Variants in ABCB1 observed in about 807,000 individuals in gnomAD.
ABCB1 encodes the protein ATP binding cassette subfamily B member 1.
A neutral mutation model predicts 142.0 loss-of-function variants in ABCB1; 69 were observed. That is an observed-to-expected ratio of 0.49 (90% CI 0.40 to 0.59). The LOEUF is 0.59. ABCB1 is among the 20% of genes least tolerant of loss of function. The pLI, the probability that ABCB1 is intolerant of heterozygous loss-of-function variation, is 0.00. For synonymous variants in ABCB1, 532 were observed against 539.2 expected (o/e 0.99, Z 0.18); for missense variants, 1,326 against 1,554.7 (o/e 0.85, Z 2.47).
At chr7:87,628,584 C>CGTGTGTGTGTGT (rs71117546) in intron 1 of ABCB1, 45 of 290,756 alleles carry the variant, frequency 1.5e-4, no homozygotes, top group African/African-American at 4.8e-4. Flanking sequence ...TGCGTGCGTG[C>CGTGTGTGTGTGT]GTGTGTGTGT....
intron 4 of ABCB1, among the ~76,000 whole-genome samples, chr7:87,579,682 C>G (rs566244394): frequency 2.2e-4 from 33 of 151,986 alleles, no homozygotes; most frequent in Admixed American, 6.6e-5. Flanking sequence ...AAGACTTACT[C>G]CTGCCATTTT....
intron 1 of ABCB1, among the ~76,000 whole-genome samples, chr7:87,635,848 A>G (rs1821714010): frequency 1.3e-5 from 2 of 152,166 alleles, no homozygotes; most frequent in African/African-American, 2.4e-5. Context: ...ATAATACAGT[A>G]TAGACCTTTT....
At chr7:87,676,703 C>CAAAAAAA (rs57480483) in intron 1 of ABCB1, among the ~76,000 whole-genome samples, 1 of 45,426 alleles carries the variant, frequency 2.2e-5, no homozygotes, top group Non-Finnish European at 4.4e-5. Context: ...GACCCTGTCT[C>CAAAAAAA]AAAAAAAAAA....
At chr7:87,649,473 T>C (rs761773246) in intron 1 of ABCB1, among the ~76,000 whole-genome samples, 1 of 152,178 alleles carries the variant, frequency 6.6e-6, no homozygotes, top group Admixed American at 6.5e-5. Flanking sequence ...TAATTTTCTC[T>C]TAAGGGAAAT....
chr7:87,627,056 C>T (rs909154985), intron 1 of ABCB1, among the ~76,000 whole-genome samples: 2 of 152,042 alleles, frequency 1.3e-5, no homozygotes, highest in African/African-American at 2.4e-5. Context: ...TTACAGGCGT[C>T]AGCCACCGCG....
chr7:87,685,495 T>A (rs1364039869), intron 1 of ABCB1, among the ~76,000 whole-genome samples: 1 of 150,444 alleles, frequency 6.6e-6, no homozygotes, highest in African/African-American at 2.4e-5. Flanking sequence ...CTGGACAAAC[T>A]CAGTAATAAA....
At chr7:87,587,768 A>G (rs557924572) in intron 3 of ABCB1, among the ~76,000 whole-genome samples, 25 of 151,456 alleles carry the variant, frequency 1.7e-4, no homozygotes, top group African/African-American at 5.3e-4. Flanking sequence ...CCAGCTACTC[A>G]GGAGGCTGAG....
chr7:87,529,873 A>G (rs1815953949), intron 21 of ABCB1, among the ~76,000 whole-genome samples: 1 of 152,232 alleles, frequency 6.6e-6, no homozygotes, highest in Non-Finnish European at 1.5e-5. Context: ...TACTTGAGCC[A>G]GACCACAATA....
intron 21 of ABCB1, chr7:87,522,154 T>C (rs1053505883): frequency 7.4e-5 from 108 of 1,451,988 alleles, no homozygotes; most frequent in Non-Finnish European, 9.6e-5. Context: ...TGGTGGCAGC[T>C]GTGGTGGTGG....
At chr7:87,598,087 C>T (rs1819281563) in intron 2 of ABCB1, among the ~76,000 whole-genome samples, 1 of 152,070 alleles carries the variant, frequency 6.6e-6, no homozygotes, top group Admixed American at 6.6e-5. Flanking sequence ...ATGTAAAATA[C>T]ACATCAAACA....
intron 25 of ABCB1, among the ~76,000 whole-genome samples, chr7:87,514,173 G>A (rs1325321070): frequency 6.6e-6 from 1 of 152,178 alleles, no homozygotes; most frequent in Admixed American, 6.5e-5. Flanking sequence ...TTTCATTTGA[G>A]TCATTAAATG....
chr7:87,505,480 A>G (rs1412839082), intron 27 of ABCB1, among the ~76,000 whole-genome samples: 1 of 152,196 alleles, frequency 6.6e-6, no homozygotes, highest in East Asian at 1.9e-4. Context: ...CCTCATACTG[A>G]GTTCGTCTTT....
upstream of ABCB1, among the ~76,000 whole-genome samples, chr7:87,601,705 A>G (rs909519688): frequency 6.6e-6 from 1 of 152,248 alleles, no homozygotes; most frequent in Admixed American, 6.5e-5. Flanking sequence ...AGCAATGCTA[A>G]CTCACATCAG....
intron 27 of ABCB1, among the ~76,000 whole-genome samples, chr7:87,504,677 T>A (rs1186746): frequency 5.9e-5 from 9 of 151,842 alleles, no homozygotes; most frequent in Middle Eastern, 6.8e-3. Context: ...TGGTGGTGGG[T>A]GCCTGTAGTC....
At chr7:87,552,629 C>T (rs537319658) in intron 9 of ABCB1, among the ~76,000 whole-genome samples, 1 of 151,232 alleles carries the variant, frequency 6.6e-6, no homozygotes, top group African/African-American at 2.4e-5. Flanking sequence ...CCAAGGATCA[C>T]CCACAGCATC....
At chr7:87,521,951 C>T in intron 21 of ABCB1, 1 of 796,664 alleles carries the variant, frequency 1.3e-6, no homozygotes, top group Admixed American at 1.7e-5. Context: ...AAGACTGTCA[C>T]TGAGAAATAC....
At chr7:87,590,645 C>T (rs892707098) in intron 3 of ABCB1, among the ~76,000 whole-genome samples, 5 of 152,134 alleles carry the variant, frequency 3.3e-5, no homozygotes, top group Non-Finnish European at 7.3e-5. Context: ...TGCTGTATCC[C>T]AAGGACCAAA....
At chr7:87,563,024 T>C (rs1171247449) in intron 7 of ABCB1, among the ~76,000 whole-genome samples, 2 of 152,164 alleles carry the variant, frequency 1.3e-5, no homozygotes, top group Admixed American at 6.6e-5. Flanking sequence ...TCAGAGAATA[T>C]TATGAATGCT....
At chr7:87,700,576 C>T (rs778070123) in intron 1 of ABCB1, 8 of 1,582,344 alleles carry the variant, frequency 5.1e-6, no homozygotes, top group East Asian at 2.3e-5. Context: ...GTCAGAGACT[C>T]GTTTCTATTT....
Sources: gnomAD v4.1 joint callset for allele counts (sites outside exome capture counted in the v4.1 genomes callset) on GRCh38, gnomAD v4.1.1 for gene constraint, MANE v1.5 for transcripts, NCBI Gene and HGNC (gene_info 2026-07-23, HGNC 2026-07-21) for gene names.